Variants in MCOLN3 observed in about 807,000 individuals in gnomAD.
MCOLN3 encodes mucolipin-3.
Under a neutral mutation model 69.4 loss-of-function variants are expected in MCOLN3, and 62 were observed. The ratio of observed to expected loss-of-function variants is 0.89; its 90% CI spans 0.73 to 1.10. The LOEUF is 1.10. MCOLN3 is among the 50% of genes least tolerant of loss of function. The pLI is 0.00. For synonymous variants in MCOLN3, 183 were observed against 217.0 expected (o/e 0.84, Z 1.38); for missense variants, 564 against 656.4 (o/e 0.86, Z 1.54).
chr1:85,030,995 G>A lies in MCOLN3; in HGVS notation c.732+1701C>T, dbSNP rs892612385. On this transcript the variant is annotated intron_variant, in intron 6 of 12. Coordinates refer to ENST00000370589, the MANE Select transcript of MCOLN3 (RefSeq NM_018298.11). ...TAGGTATAGAGATACAGTGAGGGCCGGGCACGGTGGCTCATGCCTGTAATT... is the reference window on the plus strand; with the variant it reads ...TAGGTATAGAGATACAGTGAGGGCCAGGCACGGTGGCTCATGCCTGTAATT... Among the ~76,000 whole-genome samples, 23 of 152,160 alleles carry A rather than the reference G, an allele frequency of 1.5e-4. 1 individual carries two copies. Among genetic ancestry groups the A allele is most frequent in the African/African-American group, 5.3e-4 (22 of 41,438 alleles).
At chr1:85,025,831 A>G in intron 9 of MCOLN3, 108 bp downstream of exon 9, 1 of 1,137,694 alleles carries the variant, frequency 8.8e-7, no homozygotes, top group Non-Finnish European at 1.3e-6. Flanking sequence ...TACTTGATAT[A>G]CAGTTTGGAA....
intron 3 of MCOLN3, among the ~76,000 whole-genome samples, chr1:85,038,760 G>A (rs1483435033): frequency 1.3e-5 from 2 of 152,250 alleles, no homozygotes; most frequent in East Asian, 3.9e-4. Context: ...GGAGGCCAAG[G>A]CGGGCAGATC....
Position 85,026,165 on chromosome 1 carries a change from T to C in MCOLN3, c.945+7A>G. 3.7e-6 allele frequency: 6 copies of C among 1,613,618 alleles called. No homozygotes were observed. The highest frequency in any genetic ancestry group is 5.1e-6 in the Non-Finnish European group (6 of 1,179,578). On this transcript the variant is annotated splice_region_variant and intron_variant, in intron 8 of 12. Transcript: ENST00000370589. ...CAGTAGCATTCCTAGAAAGCAACGT[T>C]CCCTACCTGCTGAAGCTGAAGTCCT...
At chr1:85,019,850 A>G (rs1283820793) in intron 12 of MCOLN3, among the ~76,000 whole-genome samples, 1 of 152,114 alleles carries the variant, frequency 6.6e-6, no homozygotes, top group Non-Finnish European at 1.5e-5. Context: ...CAGCCAGGCA[A>G]GTTTGTTTAA....
chr1:85,022,419 A>AT lies in MCOLN3; in HGVS notation c.1096-20dup. ...TTAGACTCTAAGAGAGAGTGGAAAA[A>AT]TATAATCAGATTATAAAGCAGAAAT... On this transcript the variant is annotated intron_variant, in intron 9 of 12. Coordinates refer to ENST00000370589, the MANE Select transcript of MCOLN3 (RefSeq NM_018298.11). 1 of 1,498,144 alleles carries AT rather than the reference A, an allele frequency of 6.7e-7. No individual in the cohort carries two copies. The allele number at this position is 1,498,144 out of a possible 1,614,324, so 92.8% of individuals were successfully genotyped here.
Position 85,026,040 on chromosome 1 carries a change from A to C in MCOLN3, c.994T>G (p.Ser332Ala). The C allele has an allele frequency of 1.2e-6, 2 of 1,601,526 alleles. No homozygotes were observed. The highest frequency in any genetic ancestry group is 1.7e-6 in the Non-Finnish European group (2 of 1,173,844). The stretch of plus-strand genomic sequence containing the variant: ...CCATTGACAAATTCCATTTGATCAG[A>C]AACAGAAACTTCCTTCTTATAATGG... ...LLHYKKEVSV[S>A]DQMEFVNGWY... The change falls in exon 9 of 13, where the codon TCT becomes GCT. Residue 332 changes from serine (S) to alanine (A), a missense_variant. Coordinates refer to ENST00000370589, the MANE Select transcript of MCOLN3 (RefSeq NM_018298.11).
intron 6 of MCOLN3, among the ~76,000 whole-genome samples, chr1:85,031,587 A>G (rs1159081081): frequency 6.6e-6 from 1 of 152,184 alleles, no homozygotes; most frequent in East Asian, 1.9e-4. Context: ...TTTTAAACAT[A>G]CAAAAGCTGA....
chr1:85,021,331 A>G, intron 11 of MCOLN3, 55 bp from the exon 12 acceptor site: 1 of 1,429,006 alleles, frequency 7.0e-7, no homozygotes, highest in Non-Finnish European at 9.7e-7. Flanking sequence ...CCCATTGGAG[A>G]CCTTTGTTCA....
rs1050443702 is a variant in MCOLN3, at chr1:85,018,836, AAG to A, written c.*285_*286del. On this transcript the variant is annotated 3_prime_UTR_variant, in exon 13 of 13. Coordinates refer to ENST00000370589, the MANE Select transcript of MCOLN3 (RefSeq NM_018298.11). ...AGCAGGAGCAACAGTATCAGAGCAA[AAG>A]AGAGGCATACAGAATACATTCTAAA... 8.6e-5 allele frequency: 25 copies of A among 291,592 alleles called. No homozygotes were observed. The highest frequency in any genetic ancestry group is 5.1e-4 in the African/African-American group (23 of 44,704). The allele number at this position is 291,592 out of a possible 1,614,324, so 18.1% of individuals were successfully genotyped here.
chr1:85,027,625 A>G (rs1652287511), intron 7 of MCOLN3, among the ~76,000 whole-genome samples: 1 of 152,194 alleles, frequency 6.6e-6, no homozygotes, highest in African/African-American at 2.4e-5. Flanking sequence ...AGGTGATGCT[A>G]AAGTTTGAGA....
chr1:85,044,969 C>G (rs1653266389), intron 2 of MCOLN3, among the ~76,000 whole-genome samples, 164 bp downstream of exon 2: 1 of 152,056 alleles, frequency 6.6e-6, no homozygotes, highest in African/African-American at 2.4e-5. Context: ...CAAACTCTTT[C>G]ACAAATGTTG....
chr1:85,044,210 C>G (rs932240798), intron 2 of MCOLN3, among the ~76,000 whole-genome samples: 1 of 152,168 alleles, frequency 6.6e-6, no homozygotes, highest in African/African-American at 2.4e-5. Context: ...TAGAAACAAG[C>G]AAGAATTCTA....
chr1:85,037,054 T>C lies in MCOLN3; in HGVS notation c.397-2803A>G, dbSNP rs575953629. Among the ~76,000 whole-genome samples the C allele has an allele frequency of 1.9e-3, 295 of 152,272 alleles. 1 individual carries two copies. The highest frequency in any genetic ancestry group is 3.6e-3 in the Non-Finnish European group (244 of 68,010). ...AATTATAATAATGCGATGGAGCTCT[T>C]CATTACTAGAGCTAATCTGTGCACA... On this transcript the variant is annotated intron_variant, in intron 3 of 12. Transcript: ENST00000370589.
intron 4 of MCOLN3, among the ~76,000 whole-genome samples, chr1:85,033,830 C>A (rs973627140): frequency 1.3e-5 from 2 of 152,176 alleles, no homozygotes; most frequent in Non-Finnish European, 2.9e-5. Flanking sequence ...CTAGCTCCAT[C>A]TTTGGCAGAT....
intron 12 of MCOLN3, among the ~76,000 whole-genome samples, chr1:85,020,375 G>A (rs1651866692): frequency 6.6e-6 from 1 of 152,138 alleles, no homozygotes; most frequent in African/African-American, 2.4e-5. Context: ...AGAAAGAAAA[G>A]TCCCCAAGTG....
At position 85,034,129 on chromosome 1, in the gene MCOLN3, A is replaced by T. The variant is rs553386124; in HGVS notation, c.519T>A (p.Asp173Glu). 6.8e-6 allele frequency: 11 copies of T among 1,614,220 alleles called. No individual in the cohort carries two copies. The South Asian group carries it at 1.2e-4, about 18-fold the overall frequency. The change falls in exon 4 of 13, where the codon GAT (aspartate) becomes GAA (glutamate). Residue 173 changes from aspartate to glutamate, a missense_variant. Physicochemically the swap from Asp to Glu is conservative, Grantham distance 45. Coordinates refer to ENST00000370589, the MANE Select transcript of MCOLN3 (RefSeq NM_018298.11). ...CAATTTCTGGATCGATGTCAAAGGT[A>T]TCATTTCCAGGGTAGATGTTTCCTC... ...YKRGNIYPGN[D>E]TFDIDPEIET...
chr1:85,046,303 AT>A (rs1412214770), intron 1 of MCOLN3, among the ~76,000 whole-genome samples: 5 of 3,816 alleles, frequency 1.3e-3, no homozygotes, highest in African/African-American at 4.1e-4. Context: ...CTTCATATCT[AT>A]TTGGGGGGGG....
At chr1:85,047,138 A>C (rs1653392836) in intron 1 of MCOLN3, among the ~76,000 whole-genome samples, 1 of 152,228 alleles carries the variant, frequency 6.6e-6, no homozygotes. Flanking sequence ...GTATATTGAC[A>C]CTAAGCGCTT....
Position 85,034,091 on chromosome 1 carries a change from A to G in MCOLN3, c.550+7T>C. On this transcript the variant is annotated splice_region_variant and intron_variant, in intron 4 of 12. Coordinates refer to ENST00000370589, the MANE Select transcript of MCOLN3 (RefSeq NM_018298.11). ...AATTGAGGTTCTAGGTTATAGAAGA[A>G]CATCACCAGTTTCAATTTCTGGATC... 6.2e-7 allele frequency: 1 copy of G among 1,614,168 alleles called. No homozygotes were observed. Among genetic ancestry groups the G allele is most frequent in the Non-Finnish European group, 8.5e-7 (1 of 1,179,990 alleles).
Sources: allele counts gnomAD v4.1 joint callset (sites outside exome capture counted in the v4.1 genomes callset), GRCh38; gene constraint gnomAD v4.1.1; transcripts MANE v1.5; gene names NCBI Gene and HGNC (gene_info 2026-07-23, HGNC 2026-07-21).